Variants in ARID1B observed in about 807,000 individuals in gnomAD.
ARID1B encodes the protein AT-rich interaction domain 1B.
A neutral mutation model predicts 212.3 loss-of-function variants in ARID1B; 30 were observed. The ratio of observed to expected loss-of-function variants is 0.14; its 90% CI spans 0.11 to 0.19. ARID1B has a LOEUF of 0.19. Among genes scored for constraint, ARID1B ranks in the 10% least tolerant of loss-of-function variants. The pLI, the probability that ARID1B is intolerant of heterozygous loss-of-function variation, is 1.00. For synonymous variants in ARID1B, 1,402 were observed against 1,301.7 expected, an observed-to-expected ratio of 1.08 and a Z score of -1.66; for missense variants, 2,891 against 3,204.0, an observed-to-expected ratio of 0.90 and a Z score of 2.36.
chr6:157,140,665 C>G (rs1021773005), intron 7 of ARID1B: 2 of 398,612 alleles, frequency 5.0e-6, no homozygotes, highest in Non-Finnish European at 8.8e-6. Context: ...GTCACCTGCC[C>G]AGAACCAGAT....
chr6:157,201,996 G>A lies in ARID1B; in HGVS notation c.5263+508G>A, dbSNP rs964382731. Among the ~76,000 whole-genome samples, 1 of 152,190 alleles carries A rather than the reference G, an allele frequency of 6.6e-6. No homozygotes were observed. Among genetic ancestry groups the A allele is most frequent in the Non-Finnish European group, 1.5e-5 (1 of 68,030 alleles). The stretch of plus-strand genomic sequence containing the variant: ...AAAGGTGACCTGAGAAAATCTGAAG[G>A]CAAGCCACTCTGTAATTTGGTGACA... On this transcript the variant is annotated intron_variant, in intron 18 of 19. Coordinates refer to ENST00000636930, the MANE Select transcript of ARID1B (RefSeq NM_001374828.1). The surrounding 1 kb of genome is among the most constrained non-coding windows in gnomAD (Gnocchi z 5.2).
chr6:156,995,470 G>A (rs1583103943), intron 4 of ARID1B, among the ~76,000 whole-genome samples: 1 of 152,312 alleles, frequency 6.6e-6, no homozygotes, highest in East Asian at 1.9e-4. Flanking sequence ...GCCTTCCAAG[G>A]ATTAAGTATT....
intron 11 of ARID1B, chr6:157,175,978 A>AG (rs1583454798): frequency 6.6e-6 from 1 of 152,250 alleles, no homozygotes; most frequent in South Asian, 2.1e-4. Flanking sequence ...GGAGGCAAGA[A>AG]GACCCTAGCT....
At chr6:157,184,842 C>T (rs963726225) in intron 13 of ARID1B, 7 of 210,908 alleles carry the variant, frequency 3.3e-5, no homozygotes, top group Non-Finnish European at 5.7e-5. Context: ...TTCGACAGCT[C>T]GAGCTCCCCC....
intron 3 of ARID1B, among the ~76,000 whole-genome samples, chr6:156,931,845 C>A (rs762494377): frequency 6.6e-6 from 1 of 151,532 alleles, no homozygotes; most frequent in African/African-American, 2.4e-5. Flanking sequence ...GCCTGTAATC[C>A]CAGCTACTCG....
chr6:156,937,152 T>C (rs1035238408), intron 4 of ARID1B: 1 of 152,126 alleles, frequency 6.6e-6, no homozygotes, highest in Non-Finnish European at 1.5e-5. Context: ...TGTATGCTGC[T>C]AAACTTTCTG....
rs148037265 is a variant in ARID1B at position 157,203,723 on chromosome 6, C to T, written c.5264-143C>T. The stretch of plus-strand genomic sequence containing the variant: ...CTCCATTTAAAATCGGAAATGATCA[C>T]GCTTAACTGTCCTTGAGAGCATTTG... On this transcript the variant is annotated intron_variant, in intron 18 of 19. Transcript: ENST00000636930. The surrounding 1 kb of genome is among the most constrained non-coding windows in gnomAD (Gnocchi z 4.4). 2.0e-3 allele frequency: 2,139 copies of T among 1,055,492 alleles called. 34 individuals are homozygous for T. In the East Asian group the frequency reaches 0.029, roughly 15 times the overall value. The allele number at this position is 1,055,492 out of a possible 1,614,324, so 65.4% of individuals were successfully genotyped here. A position where few individuals can be genotyped will look rare whatever the true frequency, so the allele number is the denominator to read the frequency against.
chr6:156,952,659 C>T (rs1024890816), intron 4 of ARID1B, among the ~76,000 whole-genome samples: 4 of 152,202 alleles, frequency 2.6e-5, no homozygotes, highest in African/African-American at 9.6e-5. Context: ...GACCATTCAT[C>T]CACCTTTGGG....
At chr6:156,940,846 C>G (rs1387110347) in intron 4 of ARID1B, 1 of 152,174 alleles carries the variant, frequency 6.6e-6, no homozygotes, top group South Asian at 2.1e-4. Flanking sequence ...AGTTCTCAGT[C>G]CAACCCAGCT....
chr6:157,158,315 G>T (rs1215859035), intron 8 of ARID1B, among the ~76,000 whole-genome samples: 1 of 152,176 alleles, frequency 6.6e-6, no homozygotes, highest in Admixed American at 6.5e-5. Flanking sequence ...AAATCTCCAA[G>T]AATTTTTAGG....
intron 5 of ARID1B, among the ~76,000 whole-genome samples, chr6:157,091,863 A>G (rs1785303443): frequency 6.6e-6 from 1 of 152,224 alleles, no homozygotes; most frequent in Non-Finnish European, 1.5e-5. Flanking sequence ...ACCCTCTAAA[A>G]TGGCATTTCT....
At chr6:156,813,414 A>G (rs558043779) in intron 1 of ARID1B, among the ~76,000 whole-genome samples, 3 of 152,056 alleles carry the variant, frequency 2.0e-5, no homozygotes, top group South Asian at 4.2e-4. Flanking sequence ...CGCTCAGGCT[A>G]TCCTGGGTGT....
intron 6 of ARID1B, among the ~76,000 whole-genome samples, chr6:157,123,975 G>A (rs767839633): frequency 3.2e-4 from 48 of 152,192 alleles, no homozygotes; most frequent in East Asian, 1.2e-3. Flanking sequence ...TCACAGCTTC[G>A]CAGTGGCTGT....
Position 157,115,510 on chromosome 6 carries a change from T to C in ARID1B, c.2581+4949T>C, listed in dbSNP as rs147903625. 9.2e-3 allele frequency among the ~76,000 whole-genome samples: 1,406 copies of C among 152,318 alleles called. 28 individuals are homozygous for C. The highest frequency in any genetic ancestry group is 0.032 in the African/African-American group (1,329 of 41,560). On this transcript the variant is annotated intron_variant, in intron 6 of 19. Coordinates refer to ENST00000636930, the MANE Select transcript of ARID1B (RefSeq NM_001374828.1). ...GGCGCAATCTCAGCTCACTGTGAGC[T>C]CCGCCTTCCGGGTTCACGCCATTCT...
At position 156,900,508 on chromosome 6, in the gene ARID1B, T is replaced by C. The variant is rs183670579; in HGVS notation, c.1987-868T>C. Among the ~76,000 whole-genome samples, 22 of 152,344 alleles carry C rather than the reference T, an allele frequency of 1.4e-4. No individual in the cohort carries two copies. The East Asian group carries it at 2.7e-3, about 19-fold the overall frequency. ...AGTTCTCCAGTGGACCATATTGTGG[T>C]ATGAAACAAAATGACTTTGCCATTC... On this transcript the variant is annotated intron_variant, in intron 2 of 19. Coordinates refer to ENST00000636930, the MANE Select transcript of ARID1B (RefSeq NM_001374828.1).
At chr6:157,009,327 C>T (rs1370429972) in intron 4 of ARID1B, among the ~76,000 whole-genome samples, 2 of 152,102 alleles carry the variant, frequency 1.3e-5, no homozygotes, top group Non-Finnish European at 2.9e-5. Flanking sequence ...AGAAGTGATA[C>T]GCACAAGGCT....
chr6:157,050,312 G>A lies in ARID1B; in HGVS notation c.2248-34350G>A, dbSNP rs143994729. On this transcript the variant is annotated intron_variant, in intron 4 of 19. Coordinates refer to ENST00000636930, the MANE Select transcript of ARID1B (RefSeq NM_001374828.1). Reference sequence around the variant, plus strand: ...TAGAATCCCAGCACTTTGGGAGGCCGAGGCGGGTGGGTCATGAGGTCAGGA... The same window carrying A: ...TAGAATCCCAGCACTTTGGGAGGCCAAGGCGGGTGGGTCATGAGGTCAGGA... Among the ~76,000 whole-genome samples, 104 of 152,296 alleles carry A rather than the reference G, an allele frequency of 6.8e-4. 1 individual carries two copies. Among genetic ancestry groups the A allele is most frequent in the African/African-American group, 2.3e-3 (94 of 41,546 alleles).
chr6:157,204,197 C>T, intron 19 of ARID1B: 1 of 593,678 alleles, frequency 1.7e-6, no homozygotes, highest in Non-Finnish European at 2.9e-6. Context: ...TGTGTACACA[C>T]ACATACCTCT....
Position 157,209,152 on chromosome 6 carries a change from T to A in ARID1B, c.*1261T>A. ...TTAAAAAAAAAAAAAAGAAAAAAAC[T>A]TGATGTAAATTCCTCCTTTTCCTCT... is the stretch of plus-strand genomic sequence containing the variant. On this transcript the variant is annotated 3_prime_UTR_variant, in exon 20 of 20. Coordinates refer to ENST00000636930, the MANE Select transcript of ARID1B (RefSeq NM_001374828.1). The A allele has an allele frequency of 4.3e-6, 1 of 230,162 alleles. No individual in the cohort carries two copies. The allele number at this position is 230,162 out of a possible 1,614,324, so 14.3% of individuals were successfully genotyped here.
Sources: gnomAD v4.1 joint callset for allele counts (sites outside exome capture counted in the v4.1 genomes callset) on GRCh38, gnomAD v4.1.1 for gene constraint, Gnocchi (gnomAD v3.1) non-coding constraint, MANE v1.5 for transcripts, NCBI Gene and HGNC (gene_info 2026-07-23, HGNC 2026-07-21) for gene names.